Variants in GALNTL6 observed in about 807,000 individuals in gnomAD.
The protein encoded by GALNTL6 is polypeptide N-acetylgalactosaminyltransferase-like 6.
GALNTL6 carries 46 observed loss-of-function variants against 73.7 expected under a neutral mutation model. The ratio of observed to expected loss-of-function variants is 0.62; its 90% confidence interval spans 0.49 to 0.80. GALNTL6 has a LOEUF of 0.80. Among genes scored for constraint, GALNTL6 ranks in the 30% least tolerant of loss-of-function variants. The pLI, the probability that GALNTL6 is intolerant of heterozygous loss-of-function variation, is 0.00. For synonymous variants in GALNTL6, 259 were observed against 263.7 expected (o/e 0.98, Z 0.17); for missense variants, 604 against 755.0 (o/e 0.80, Z 2.34).
intron 5 of GALNTL6, among the ~76,000 whole-genome samples, chr4:172,606,629 AC>A (rs1560832297): frequency 8.5e-5 from 4 of 46,966 alleles, no homozygotes; most frequent in African/African-American, 1.5e-4. Flanking sequence ...GTATATATAT[AC>A]TATATATATA....
chr4:173,038,300 T>C (rs1339583042), intron 12 of GALNTL6, among the ~76,000 whole-genome samples: 1 of 152,188 alleles, frequency 6.6e-6, no homozygotes, highest in Non-Finnish European at 1.5e-5. Context: ...CGAAGGAGAC[T>C]GCTGCCTGAG....
chr4:172,212,211 G>T (rs1736347084), intron 2 of GALNTL6, among the ~76,000 whole-genome samples: 1 of 151,936 alleles, frequency 6.6e-6, no homozygotes, highest in South Asian at 2.1e-4. Context: ...ACCCAGGCTG[G>T]AGTGCAGTGG....
In GALNTL6 at chr4:172,841,687, C is replaced by G. The variant is rs79799841; in HGVS notation, c.923+27964C>G. ...ACTACCATTTATAAAACCGTTAGGT[C>G]TCATGAAAATCCACTCACTATCGCA... On this transcript the variant is annotated intron_variant, in intron 7 of 12. Transcript: ENST00000506823. Among the ~76,000 whole-genome samples, 1,362 of 152,182 alleles carry G rather than the reference C, an allele frequency of 8.9e-3. 22 individuals are homozygous for G. Among genetic ancestry groups the G allele is most frequent in the African/African-American group, 0.03 (1,266 of 41,518 alleles).
intron 2 of GALNTL6, among the ~76,000 whole-genome samples, chr4:171,938,275 C>T (rs997820642): frequency 3.3e-5 from 5 of 152,104 alleles, no homozygotes; most frequent in Non-Finnish European, 5.9e-5. Context: ...TCACCTCCTA[C>T]CCCTGACAAC....
At chr4:171,912,618 C>T (rs1247986621) in intron 2 of GALNTL6, among the ~76,000 whole-genome samples, 1 of 152,076 alleles carries the variant, frequency 6.6e-6, no homozygotes, top group African/African-American at 2.4e-5. Context: ...TAACTATAGT[C>T]TCCCTGCTAT....
At chr4:171,914,837 A>C (rs555898928) in intron 2 of GALNTL6, among the ~76,000 whole-genome samples, 3 of 151,542 alleles carry the variant, frequency 2.0e-5, no homozygotes, top group Non-Finnish European at 4.4e-5. Flanking sequence ...TTTTTGATTC[A>C]ATATTTTAGA....
At chr4:172,658,658 G>A (rs112999424) in intron 5 of GALNTL6, among the ~76,000 whole-genome samples, 92 of 152,192 alleles carry the variant, frequency 6.0e-4, no homozygotes, top group African/African-American at 2.1e-3. Context: ...ACCACTGCTT[G>A]TGGGTGTTGA....
At position 172,971,567 on chromosome 4, in the gene GALNTL6, A is replaced by C. The variant is rs139634848; in HGVS notation, c.1371+19309A>C. 2.6e-5 allele frequency among the ~76,000 whole-genome samples: 4 copies of C among 152,366 alleles called. No homozygotes were observed. In the East Asian group the frequency reaches 7.7e-4, roughly 29 times the overall value. ...GCAGAATACGTTTGCTGATTGTCGC[A>C]TAGGCATTAACCAGGAGTAAAACAG... On this transcript the variant is annotated intron_variant, in intron 10 of 12. Coordinates refer to ENST00000506823, the MANE Select transcript of GALNTL6 (RefSeq NM_001034845.3).
intron 2 of GALNTL6, among the ~76,000 whole-genome samples, chr4:171,892,955 ACCATATCTGC>A (rs1736804221): frequency 6.6e-6 from 1 of 152,170 alleles, no homozygotes; most frequent in African/African-American, 2.4e-5. Context: ...CCCAGGAAGG[ACCATATCTGC>A]CCTGTTCATT....
intron 2 of GALNTL6, among the ~76,000 whole-genome samples, chr4:172,039,069 T>G (rs1217747247): frequency 6.6e-6 from 1 of 152,226 alleles, no homozygotes; most frequent in African/African-American, 2.4e-5. Context: ...GCTCCACTAA[T>G]TGTTCTATCT....
chr4:172,588,009 C>T (rs192107013), intron 5 of GALNTL6, among the ~76,000 whole-genome samples: 1 of 152,264 alleles, frequency 6.6e-6, no homozygotes, highest in East Asian at 1.9e-4. Context: ...AAAATATTCA[C>T]TGACTACTTA....
At chr4:172,649,632 A>G (rs1211908617) in intron 5 of GALNTL6, among the ~76,000 whole-genome samples, 1 of 152,224 alleles carries the variant, frequency 6.6e-6, no homozygotes, top group Non-Finnish European at 1.5e-5. Context: ...TAAGAAGCAC[A>G]GCAATTATTC....
chr4:172,377,502 G>A (rs1275543715), intron 5 of GALNTL6, among the ~76,000 whole-genome samples: 2 of 152,198 alleles, frequency 1.3e-5, no homozygotes, highest in African/African-American at 4.8e-5. Context: ...GGGGCCATGG[G>A]CGGAGCTGCC....
chr4:172,855,708 A>T (rs1339493491), intron 7 of GALNTL6, among the ~76,000 whole-genome samples: 1 of 152,168 alleles, frequency 6.6e-6, no homozygotes, highest in African/African-American at 2.4e-5. Context: ...GGCCACATTA[A>T]TACAATTTCT....
At chr4:172,484,197 T>C (rs931536999) in intron 5 of GALNTL6, among the ~76,000 whole-genome samples, 8 of 152,202 alleles carry the variant, frequency 5.3e-5, no homozygotes, top group Non-Finnish European at 1.2e-4. Context: ...AGATTTTAGA[T>C]AGTCTCGCAC....
At chr4:171,982,609 C>G (rs1392302703) in intron 2 of GALNTL6, among the ~76,000 whole-genome samples, 1 of 152,110 alleles carries the variant, frequency 6.6e-6, no homozygotes, top group Non-Finnish European at 1.5e-5. Context: ...AAAGTACTTT[C>G]GTTTGCTTCT....
chr4:172,281,618 G>A (rs1017487965), intron 3 of GALNTL6, among the ~76,000 whole-genome samples: 1 of 152,190 alleles, frequency 6.6e-6, no homozygotes, highest in Non-Finnish European at 1.5e-5. Flanking sequence ...GACTGAGGCA[G>A]GAGAATCGTT....
intron 2 of GALNTL6, among the ~76,000 whole-genome samples, chr4:172,075,396 G>C (rs7676770): frequency 0.47 from 70,793 of 151,742 alleles, 16,989 homozygotes; most frequent in Non-Finnish European, 0.5. Flanking sequence ...GTGCAGTGGC[G>C]CGATCTCGGC....
At chr4:171,886,549 A>G (rs990879757) in intron 2 of GALNTL6, among the ~76,000 whole-genome samples, 1 of 152,196 alleles carries the variant, frequency 6.6e-6, no homozygotes, top group Non-Finnish European at 1.5e-5. Context: ...TGATAAAGGC[A>G]TACCTGAGAC....
Sources: allele counts gnomAD v4.1 joint callset (sites outside exome capture counted in the v4.1 genomes callset), GRCh38; gene constraint gnomAD v4.1.1; transcripts MANE v1.5; gene names NCBI Gene and HGNC (gene_info 2026-07-23, HGNC 2026-07-21).